Variants in CERS4 observed in about 807,000 individuals in gnomAD.
The protein encoded by CERS4 is LAG1 homolog, ceramide synthase 4.
In CERS4, 65 loss-of-function variants were observed where a neutral mutation model predicts 51.8. The observed-to-expected ratio is 1.26, with a 90% CI of 1.03 to 1.54. The LOEUF (loss-of-function observed/expected upper bound fraction) is 1.54. Ranked by LOEUF, CERS4 falls within the 40% of genes most tolerant of loss-of-function variation. CERS4 has a pLI of 0.00. For synonymous variants in CERS4, 228 were observed against 208.4 expected (o/e 1.09, Z -0.81); for missense variants, 563 against 500.4 (o/e 1.13, Z -1.19).
At chr19:8,211,932 G>GTC (rs1967100085) in intron 2 of CERS4, among the ~76,000 whole-genome samples, 1 of 151,604 alleles carries the variant, frequency 6.6e-6, no homozygotes, top group Non-Finnish European at 1.5e-5. Flanking sequence ...CATGCCTGGG[G>GTC]TCAGGGGGAG....
At position 8,261,709 on chromosome 19, in the gene CERS4, C is replaced by G; in HGVS notation, c.870C>G (p.Tyr290Ter). ...FPTQILYTTY[Y>*]ESISNRGPFF... The stretch of plus-strand genomic sequence containing the variant: ...GTAGGATCCTCTACACCACATACTA[C>G]GAGTCCATCAGCAACAGGGGCCCCT... Residue 290 changes from tyrosine (Y) to a stop codon, truncating the protein, a stop_gained, in exon 11 of 12, where the codon TAC (tyrosine) becomes TAG (stop). Transcript: ENST00000251363. LOFTEE classifies it high-confidence loss of function. 1 of 1,614,136 alleles carries G rather than the reference C, an allele frequency of 6.2e-7. No homozygotes were observed. The highest frequency in any genetic ancestry group is 8.5e-7 in the Non-Finnish European group (1 of 1,180,024).
intron 2 of CERS4, among the ~76,000 whole-genome samples, chr19:8,213,720 C>CT (rs1226941334): frequency 1.3e-5 from 2 of 152,078 alleles, no homozygotes; most frequent in Non-Finnish European, 2.9e-5. Context: ...AATCCCAGCA[C>CT]TTTGAGAGGC....
Position 8,256,640 on chromosome 19 carries a change from G to A in CERS4, c.542G>A (p.Trp181Ter). ...PNQTLKPSLY[W>*]WYLLELGFYL... is the part of the protein sequence containing the mutation. ...CAGACTCTGAAGCCATCCCTGTACT[G>A]GTGGTACCTCTTGGAGCTGGGTTTC... The change falls in exon 8 of 12, where the codon TGG becomes TAG. Residue 181 changes from tryptophan (W) to a stop codon, truncating the protein, a stop_gained. Transcript: ENST00000251363. LOFTEE classifies it high-confidence loss of function. The A allele has an allele frequency of 1.2e-6, 2 of 1,613,660 alleles. No individual in the cohort carries two copies.
intron 2 of CERS4, among the ~76,000 whole-genome samples, chr19:8,246,525 C>T (rs1968795396): frequency 6.6e-6 from 1 of 151,974 alleles, no homozygotes; most frequent in African/African-American, 2.4e-5. Flanking sequence ...TGCATTCCAG[C>T]CTGGGTGACA....
chr19:8,254,322 CAAAAAAAA>C (rs74176633), intron 3 of CERS4, among the ~76,000 whole-genome samples, 169 bp from the exon 4 acceptor site: 7 of 38,772 alleles, frequency 1.8e-4, no homozygotes, highest in Non-Finnish European at 3.1e-4. Context: ...TACTCTGTCT[CAAAAAAAA>C]AAAAAAAAAA....
intron 7 of CERS4, 134 bp downstream of exon 7, chr19:8,256,420 T>A: frequency 9.1e-7 from 1 of 1,098,720 alleles, no homozygotes; most frequent in Non-Finnish European, 1.3e-6. Flanking sequence ...TTGATTCCTC[T>A]GGGGAATAGA....
chr19:8,223,078 A>G (rs1473163356), intron 2 of CERS4, among the ~76,000 whole-genome samples: 1 of 152,082 alleles, frequency 6.6e-6, no homozygotes, highest in African/African-American at 2.4e-5. Context: ...TCACATCTAT[A>G]GTCCCAGCAC....
intron 3 of CERS4, among the ~76,000 whole-genome samples, chr19:8,253,147 G>T (rs916826482): frequency 6.6e-6 from 1 of 152,218 alleles, no homozygotes; most frequent in Non-Finnish European, 1.5e-5. Context: ...TATAAAATTC[G>T]GTCCCCACCT....
chr19:8,229,450 A>C (rs1967924760), intron 2 of CERS4, among the ~76,000 whole-genome samples: 3 of 150,958 alleles, frequency 2.0e-5, no homozygotes, highest in African/African-American at 7.3e-5. Context: ...TGTCGCTCTC[A>C]CCCAGGCTGG....
At chr19:8,261,180 A>C in intron 10 of CERS4, 1 of 154,000 alleles carries the variant, frequency 6.5e-6, no homozygotes, top group Non-Finnish European at 1.4e-5. Context: ...CTGTCCGGCT[A>C]CCCGGGAGAT....
chr19:8,229,924 CTG>C (rs1391266176), intron 2 of CERS4, among the ~76,000 whole-genome samples: 3 of 152,026 alleles, frequency 2.0e-5, no homozygotes, highest in African/African-American at 7.2e-5. Flanking sequence ...CAAGGTCTCA[CTG>C]TGTTTCCCAG....
At chr19:8,225,350 T>C (rs1599526249) in intron 2 of CERS4, among the ~76,000 whole-genome samples, 1 of 148,208 alleles carries the variant, frequency 6.7e-6, no homozygotes, top group Non-Finnish European at 1.5e-5. Context: ...AGTAGTAGGG[T>C]GGGGACAGAG....
intron 2 of CERS4, among the ~76,000 whole-genome samples, chr19:8,227,168 A>G (rs930976431): frequency 5.3e-5 from 8 of 152,060 alleles, no homozygotes; most frequent in Admixed American, 5.3e-4. Flanking sequence ...AGGTGGGGGT[A>G]GAGGGCTCAT....
chr19:8,235,250 G>GC (rs369010105), intron 2 of CERS4, among the ~76,000 whole-genome samples: 4 of 150,916 alleles, frequency 2.7e-5, no homozygotes, highest in Admixed American at 2.6e-4. Flanking sequence ...CTCGTGATCT[G>GC]CCCCCCTCAG....
chr19:8,247,295 C>T (rs924261747), intron 2 of CERS4, among the ~76,000 whole-genome samples: 1 of 152,004 alleles, frequency 6.6e-6, no homozygotes, highest in Non-Finnish European at 1.5e-5. Flanking sequence ...ACCAGCCACA[C>T]GGACCTCCTC....
intron 10 of CERS4, among the ~76,000 whole-genome samples, chr19:8,259,120 C>A (rs572944034): frequency 6.6e-6 from 1 of 152,182 alleles, no homozygotes; most frequent in African/African-American, 2.4e-5. Flanking sequence ...GGCGACAGAG[C>A]AAGACTCTGT....
chr19:8,260,976 A>C (rs1197362824), intron 10 of CERS4: 1 of 151,218 alleles, frequency 6.6e-6, no homozygotes, highest in East Asian at 1.9e-4. Flanking sequence ...AAAAAAAAAA[A>C]ACAAGAACCA....
Position 8,256,293 on chromosome 19 carries a change from G to T in CERS4, c.519+7G>T. On this transcript the variant is annotated splice_region_variant and intron_variant, in intron 7 of 11. Transcript: ENST00000251363. Reference sequence around the variant, plus strand: ...GGACAGGTACCCAAACCAGGTGAGTGGCAGAGTGTGTGTGAATGCTTGGAG... The same window carrying T: ...GGACAGGTACCCAAACCAGGTGAGTTGCAGAGTGTGTGTGAATGCTTGGAG... The T allele has an allele frequency of 6.2e-7, 1 of 1,613,542 alleles. No homozygotes were observed. Among genetic ancestry groups the T allele is most frequent in the Non-Finnish European group, 8.5e-7 (1 of 1,179,768 alleles).
intron 3 of CERS4, among the ~76,000 whole-genome samples, chr19:8,252,436 G>A (rs1213089244): frequency 2.1e-5 from 1 of 46,914 alleles, no homozygotes; most frequent in African/African-American, 6.0e-5. Context: ...CACCATGGCT[G>A]GCTAACTTTT....
Sources: gnomAD v4.1 joint callset for allele counts (sites outside exome capture counted in the v4.1 genomes callset) on GRCh38, gnomAD v4.1.1 for gene constraint, MANE v1.5 for transcripts, NCBI Gene and HGNC (gene_info 2026-07-23, HGNC 2026-07-21) for gene names.